The following KIF2A variants were observed in gnomAD, a reference collection of about 807,000 sequenced individuals.
KIF2A encodes the protein kinesin family member 2A.
A neutral mutation model predicts 100.2 loss-of-function variants in KIF2A; 22 were observed. The ratio of observed to expected loss-of-function variants is 0.22; its 90% CI spans 0.16 to 0.31. The LOEUF (loss-of-function observed/expected upper bound fraction) is 0.31, where lower values mean the gene tolerates loss of function less well. Among genes scored for constraint, KIF2A ranks in the 10% least tolerant of loss-of-function variants. The pLI is 1.00. For synonymous variants in KIF2A, 268 were observed against 285.9 expected, an observed-to-expected ratio of 0.94 and a Z score of 0.63; for missense variants, 495 against 898.7, an observed-to-expected ratio of 0.55 and a Z score of 5.74.
In KIF2A at chr5:62,361,623, A is replaced by G. The variant is rs1267748164; in HGVS notation, c.1027+94A>G. ...GGCTTTAAAATATTGTTCAGCAACT[A>G]TAATGCTATATTAACTGTCTATTAT... On this transcript the variant is annotated intron_variant, in intron 11 of 20. Transcript: ENST00000407818. 10 of 710,774 alleles carry G rather than the reference A, an allele frequency of 1.4e-5. No individual in the cohort carries two copies. In the Admixed American group the frequency reaches 2.1e-4, roughly 15 times the overall value. The allele number at this position is 710,774 out of a possible 1,614,324, so 44.0% of individuals were successfully genotyped here.
chr5:62,350,177 C>G, intron 4 of KIF2A, 57 bp downstream of exon 4: 1 of 965,424 alleles, frequency 1.0e-6, no homozygotes. Flanking sequence ...ATGTTCCTGA[C>G]AAGGTAAATC....
At chr5:62,350,726 A>G (rs1747806868) in intron 4 of KIF2A, among the ~76,000 whole-genome samples, 1 of 151,922 alleles carries the variant, frequency 6.6e-6, no homozygotes. Context: ...CCCCTGGTCA[A>G]CATGGTGAAA....
rs779719297 is a variant in KIF2A at position 62,390,341 on chromosome 5, CT to C, written c.*4777del. On this transcript the variant is annotated 3_prime_UTR_variant, in exon 21 of 21. Transcript: ENST00000407818. ...TAAATTACCTAGATAATTATGACAG[CT>C]TTTTACTTGAGAAGTGTAGAACTTG... 2.6e-5 allele frequency among the ~76,000 whole-genome samples: 4 copies of C among 152,166 alleles called. No homozygotes were observed. Among genetic ancestry groups the C allele is most frequent in the African/African-American group, 4.8e-5 (2 of 41,446 alleles).
intron 14 of KIF2A, among the ~76,000 whole-genome samples, chr5:62,364,613 G>C (rs1446419489): frequency 6.6e-6 from 1 of 152,150 alleles, no homozygotes; most frequent in Admixed American, 6.5e-5. Context: ...CTAAAATAAG[G>C]CATTCTGTGT....
intron 1 of KIF2A, among the ~76,000 whole-genome samples, chr5:62,334,903 G>A (rs1224524809): frequency 1.3e-5 from 2 of 152,138 alleles, no homozygotes; most frequent in East Asian, 1.9e-4. Context: ...TCCCCGCCTC[G>A]GCCCACTGGG....
intron 1 of KIF2A, among the ~76,000 whole-genome samples, chr5:62,324,719 T>A (rs1746276426): frequency 6.6e-6 from 1 of 152,152 alleles, no homozygotes. Context: ...TCAAAATGGA[T>A]TAAAGACTTA....
At chr5:62,337,629 T>TA (rs1363251509) in intron 1 of KIF2A, among the ~76,000 whole-genome samples, 1 of 152,010 alleles carries the variant, frequency 6.6e-6, no homozygotes, top group Non-Finnish European at 1.5e-5. Context: ...GACCAGAAGT[T>TA]AAAGACCAGC....
chr5:62,385,461 CCT>C, intron 20 of KIF2A, 21 bp from the exon 21 acceptor site: 7 of 1,512,288 alleles, frequency 4.6e-6, no homozygotes, highest in Non-Finnish European at 5.4e-6. Context: ...ATACTTATTC[CCT>C]CTTTCTTTTC....
chr5:62,323,390 GC>G (rs899569528), intron 1 of KIF2A, among the ~76,000 whole-genome samples: 7 of 152,086 alleles, frequency 4.6e-5, no homozygotes, highest in African/African-American at 1.7e-4. Flanking sequence ...GGGCGCGGCG[GC>G]GGGCGCCTGT....
chr5:62,316,357 TGC>T (rs1745818220), intron 1 of KIF2A, among the ~76,000 whole-genome samples: 2 of 152,216 alleles, frequency 1.3e-5, no homozygotes, highest in East Asian at 3.8e-4. Flanking sequence ...TTTCTTGAAA[TGC>T]AGCTGCTCTT....
chr5:62,361,376 T>G (rs772856103), intron 10 of KIF2A, 44 bp downstream of exon 10: 1 of 1,475,706 alleles, frequency 6.8e-7, no homozygotes, highest in South Asian at 1.1e-5. Context: ...AAGCTACAGT[T>G]TCTTTTCCTT....
intron 20 of KIF2A, among the ~76,000 whole-genome samples, chr5:62,383,163 GT>G (rs916670699): frequency 1.5e-4 from 22 of 149,592 alleles, no homozygotes; most frequent in African/African-American, 5.2e-4. Flanking sequence ...CTGACCTCAC[GT>G]GATGCACCCA....
In KIF2A at chr5:62,358,515, A is replaced by G. The variant is rs567323606; in HGVS notation, c.872+216A>G. ...TCATAGTTTCCATTACTATTTGCTA[A>G]TTAGCTTATTACACATATATATACA... On this transcript the variant is annotated intron_variant, in intron 9 of 20. Transcript: ENST00000407818. 1.4e-4 allele frequency among the ~76,000 whole-genome samples: 22 copies of G among 152,328 alleles called. No homozygotes were observed. The East Asian group carries it at 4.0e-3, about 28-fold the overall frequency.
At chr5:62,323,446 C>G (rs1470606819) in intron 1 of KIF2A, among the ~76,000 whole-genome samples, 1 of 151,612 alleles carries the variant, frequency 6.6e-6, no homozygotes. Context: ...TGGCGTGAAC[C>G]CAGGAGGTGG....
chr5:62,346,571 C>G (rs1010283632), intron 1 of KIF2A, among the ~76,000 whole-genome samples: 3 of 152,112 alleles, frequency 2.0e-5, no homozygotes, highest in Non-Finnish European at 4.4e-5. Context: ...GAAACCCCGT[C>G]CCTACTAAAA....
rs77262600 is a variant in KIF2A at position 62,370,215 on chromosome 5, G to A, written c.1647-2223G>A. Among the ~76,000 whole-genome samples the A allele has an allele frequency of 2.2e-4, 33 of 152,310 alleles. 1 individual carries two copies. The East Asian group carries it at 6.4e-3, about 29-fold the overall frequency. ...AGTTTTATATGGGAATTGTGGGATA[G>A]TTTGTAACAGTACACATTGCTGCTA... On this transcript the variant is annotated intron_variant, in intron 16 of 20. Coordinates refer to ENST00000407818, the MANE Select transcript of KIF2A (RefSeq NM_001098511.3).
chr5:62,324,910 A>C (rs1746287256), intron 1 of KIF2A, among the ~76,000 whole-genome samples: 1 of 152,208 alleles, frequency 6.6e-6, no homozygotes, highest in Non-Finnish European at 1.5e-5. Flanking sequence ...GAGTAAACAG[A>C]CAACCTACAG....
intron 1 of KIF2A, among the ~76,000 whole-genome samples, chr5:62,340,212 C>T (rs1259866641): frequency 1.3e-5 from 2 of 152,182 alleles, no homozygotes. Context: ...GCTGGGATTG[C>T]AGGCGTGAGC....
chr5:62,332,958 T>C (rs979562638), intron 1 of KIF2A, among the ~76,000 whole-genome samples: 5 of 152,172 alleles, frequency 3.3e-5, no homozygotes, highest in Non-Finnish European at 7.4e-5. Context: ...AGAAATACAT[T>C]GAGGACAAGC....
Sources: allele counts gnomAD v4.1 joint callset (sites outside exome capture counted in the v4.1 genomes callset), GRCh38; gene constraint gnomAD v4.1.1; transcripts MANE v1.5; gene names NCBI Gene and HGNC (gene_info 2026-07-23, HGNC 2026-07-21).